KCNG3: variants seen among roughly 807,000 people sequenced by gnomAD.
The protein encoded by KCNG3 is voltage-gated potassium channel regulatory subunit KCNG3.
A neutral mutation model predicts 29.0 loss-of-function variants in KCNG3; 15 were observed. That is an observed-to-expected ratio of 0.52 (90% CI 0.35 to 0.80). The LOEUF (loss-of-function observed/expected upper bound fraction) is 0.80, where lower values mean the gene tolerates loss of function less well. Among genes scored for constraint, KCNG3 ranks in the 30% least tolerant of loss-of-function variants. The probability of loss-of-function intolerance (pLI) is 0.01; values close to 1 mark genes in which losing one functional copy is unlikely to be tolerated. For missense variants in KCNG3, 512 were observed against 605.7 expected (o/e 0.85, Z 1.62); for synonymous variants, 322 against 248.9 (o/e 1.29, Z -2.76).
At chr2:42,425,666 C>G in the KCNG3 span, among the ~76,000 whole-genome samples, 1 of 152,100 alleles carries the variant, frequency 6.6e-6, no homozygotes, top group African/African-American at 2.4e-5. Context: ...AGGTACCCAT[C>G]ATCATGACCT....
the KCNG3 span, among the ~76,000 whole-genome samples, chr2:42,399,300 T>C: frequency 2.0e-5 from 3 of 152,178 alleles, no homozygotes; most frequent in East Asian, 5.8e-4. Context: ...TCAAGTGATC[T>C]GCCCTGCCTC....
intron 1 of KCNG3, among the ~76,000 whole-genome samples, chr2:42,445,453 G>T (rs1672574732): frequency 6.6e-6 from 1 of 152,142 alleles, no homozygotes; most frequent in South Asian, 2.1e-4. Context: ...AGTTTATGGG[G>T]AACTGGGTGA....
chr2:42,437,780 A>G (rs1000085021), downstream of KCNG3, among the ~76,000 whole-genome samples: 1 of 151,988 alleles, frequency 6.6e-6, no homozygotes, highest in Non-Finnish European at 1.5e-5. Flanking sequence ...TCTACTAAAA[A>G]TACAGAAATT....
At chr2:42,447,686 TTTTC>T (rs1373348191) in intron 1 of KCNG3, among the ~76,000 whole-genome samples, 21 of 151,994 alleles carry the variant, frequency 1.4e-4, no homozygotes, top group African/African-American at 5.1e-4. Context: ...GGTTAATTTT[TTTTC>T]TTTTTTTTTC....
intron 1 of KCNG3, among the ~76,000 whole-genome samples, chr2:42,492,118 CTGGATT>C (rs1232620067): frequency 6.6e-6 from 1 of 152,168 alleles, no homozygotes; most frequent in African/African-American, 2.4e-5. Context: ...ATACTGTTTT[CTGGATT>C]TAGGACAGTT....
chr2:42,441,508 T>G (rs1672477276), downstream of KCNG3, among the ~76,000 whole-genome samples: 1 of 152,104 alleles, frequency 6.6e-6, no homozygotes, highest in Admixed American at 6.6e-5. Context: ...ACATATTTTT[T>G]CATTTATGAA....
downstream of KCNG3, among the ~76,000 whole-genome samples, chr2:42,439,451 C>T (rs1672429247): frequency 6.6e-6 from 1 of 151,484 alleles, no homozygotes; most frequent in African/African-American, 2.4e-5. Flanking sequence ...TTAGTAGAGA[C>T]AGGGTTTCGC....
the KCNG3 span, among the ~76,000 whole-genome samples, chr2:42,419,219 CTTTTTTT>C: frequency 4.0e-4 from 11 of 27,736 alleles, no homozygotes; most frequent in Admixed American, 2.1e-3. Context: ...GATGGTATCT[CTTTTTTT>C]TTTTTTTTTT....
chr2:42,415,283 T>C, the KCNG3 span, among the ~76,000 whole-genome samples: 1 of 152,176 alleles, frequency 6.6e-6, no homozygotes, highest in East Asian at 1.9e-4. Flanking sequence ...GATGTTTCCC[T>C]TCCTCCATGG....
At chr2:42,408,950 T>C in the KCNG3 span, among the ~76,000 whole-genome samples, 8 of 152,104 alleles carry the variant, frequency 5.3e-5, no homozygotes, top group East Asian at 3.9e-4. Flanking sequence ...TGTTCCCCGA[T>C]GCAAGCCATG....
intron 1 of KCNG3, among the ~76,000 whole-genome samples, chr2:42,472,775 C>A (rs111790154): frequency 0.12 from 17,934 of 151,160 alleles, 1,386 homozygotes; most frequent in South Asian, 0.22. Context: ...GCTGGGATTA[C>A]AGGCTCAACG....
the KCNG3 span, among the ~76,000 whole-genome samples, chr2:42,419,260 G>T: frequency 1.7e-5 from 1 of 59,086 alleles, no homozygotes. Context: ...TTTTGAGATA[G>T]AGTCTCACTC....
the KCNG3 span, among the ~76,000 whole-genome samples, chr2:42,400,540 C>G: frequency 2.0e-5 from 3 of 152,092 alleles, no homozygotes; most frequent in African/African-American, 4.8e-5. Context: ...ACCAAACACC[C>G]CCTCCTTGTC....
At chr2:42,388,974 G>C in the KCNG3 span, among the ~76,000 whole-genome samples, 1 of 152,102 alleles carries the variant, frequency 6.6e-6, no homozygotes, top group Non-Finnish European at 1.5e-5. Flanking sequence ...CTGGAATGCA[G>C]TGGCAGGATC....
chr2:42,461,027 A>G (rs972553227), intron 1 of KCNG3, among the ~76,000 whole-genome samples: 8 of 151,656 alleles, frequency 5.3e-5, no homozygotes, highest in African/African-American at 1.9e-4. Context: ...CAGGCGTGGC[A>G]GCATGCGTCT....
intron 1 of KCNG3, among the ~76,000 whole-genome samples, chr2:42,484,498 C>A (rs1673672147): frequency 6.6e-6 from 1 of 151,924 alleles, no homozygotes; most frequent in Admixed American, 6.6e-5. Context: ...AAGAGAAAAT[C>A]TGTATGTGTG....
chr2:42,447,460 T>C (rs1050866617), intron 1 of KCNG3, among the ~76,000 whole-genome samples: 1 of 152,112 alleles, frequency 6.6e-6, no homozygotes, highest in Admixed American at 6.6e-5. Flanking sequence ...CCACTGAATG[T>C]ACTGTGATTT....
At chr2:42,445,297 G>T (rs770850126) in intron 1 of KCNG3, among the ~76,000 whole-genome samples, 2 of 152,014 alleles carry the variant, frequency 1.3e-5, no homozygotes, top group Non-Finnish European at 2.9e-5. Flanking sequence ...GGATTGGAAG[G>T]GCATTATTCC....
In KCNG3 at chr2:42,492,912, C is replaced by T. The variant is rs1212105555; in HGVS notation, c.590G>A (p.Arg197His). 8.2e-6 allele frequency: 13 copies of T among 1,580,262 alleles called. No homozygotes were observed. The highest frequency in any genetic ancestry group is 1.4e-5 in the African/African-American group (1 of 71,516). The change falls in exon 1 of 2, where the codon CGC (arginine) becomes CAC (histidine). Residue 197 changes from arginine to histidine, a missense_variant. Physicochemically the swap from Arg to His is conservative, Grantham distance 29. This residue lies in a region of KCNG3 where 228 missense variants were observed against 200.0 expected (regional missense o/e 1.14). Transcript: ENST00000306078. ...VLCASTLPDW[R>H]NAAADNRSLD... is the part of the protein sequence containing the mutation. Reference sequence around the variant, plus strand: ...GCTGCGGTTGTCGGCGGCTGCGTTGCGCCAGTCGGGCAACGTGCTGGCGCA... The same window carrying T: ...GCTGCGGTTGTCGGCGGCTGCGTTGTGCCAGTCGGGCAACGTGCTGGCGCA...
Sources: gnomAD v4.1 joint callset for allele counts (sites outside exome capture counted in the v4.1 genomes callset) on GRCh38, gnomAD v4.1.1 for gene constraint, gnomAD v4.1.1 regional missense constraint, MANE v1.5 for transcripts, NCBI Gene and HGNC (gene_info 2026-07-23, HGNC 2026-07-21) for gene names.